ATG2B: variants seen among roughly 807,000 people sequenced by gnomAD.
The protein encoded by ATG2B is autophagy-related protein 2 homolog B.
Under a neutral mutation model 241.3 loss-of-function variants are expected in ATG2B, and 121 were observed. The ratio of observed to expected loss-of-function variants is 0.50; its 90% CI spans 0.43 to 0.58. ATG2B has a LOEUF of 0.58. Among genes scored for constraint, ATG2B ranks in the 20% least tolerant of loss-of-function variants. The probability of loss-of-function intolerance (pLI) is 0.00; values close to 1 mark genes in which losing one functional copy is unlikely to be tolerated. For synonymous variants in ATG2B, 858 were observed against 876.6 expected, an observed-to-expected ratio of 0.98 and a Z score of 0.37; for missense variants, 2,306 against 2,491.6, an observed-to-expected ratio of 0.93 and a Z score of 1.59.
chr14:96,329,457 C>T, intron 12 of ATG2B, 27 bp downstream of exon 12: 3 of 1,479,912 alleles, frequency 2.0e-6, no homozygotes, highest in Non-Finnish European at 2.7e-6. Flanking sequence ...AAAAAATAAT[C>T]TTAAAGAAAA....
chr14:96,327,612 A>G (rs1455010440), intron 14 of ATG2B, among the ~76,000 whole-genome samples: 1 of 152,226 alleles, frequency 6.6e-6, no homozygotes, highest in Non-Finnish European at 1.5e-5. Context: ...CAGCTTATAA[A>G]AACTCTGATA....
At position 96,281,457 on chromosome 14, in the gene ATG2B, G is replaced by A. The variant is rs1368799407; in HGVS notation, c.*4298C>T. On this transcript the variant is annotated 3_prime_UTR_variant, in exon 42 of 42. Coordinates refer to ENST00000359933, the MANE Select transcript of ATG2B (RefSeq NM_018036.7). Reference sequence around the variant, plus strand: ...CAATACACATGTTCTTTTACTTGTGGTGAGATAAATTCAATGTCTAAAATA... The same window carrying A: ...CAATACACATGTTCTTTTACTTGTGATGAGATAAATTCAATGTCTAAAATA... The A allele has an allele frequency of 6.6e-6, 1 of 152,126 alleles. No individual in the cohort carries two copies. The highest frequency in any genetic ancestry group is 1.5e-5 in the Non-Finnish European group (1 of 68,036). 9.4% of individuals were successfully genotyped at this position (152,126 alleles called of 1,614,324 possible).
In ATG2B at chr14:96,282,654, A is replaced by G. The variant is rs3809421; in HGVS notation, c.*3101T>C. The G allele has an allele frequency of 0.83, 125,775 of 152,334 alleles. 52,427 individuals carry two copies. The highest frequency in any genetic ancestry group is 0.95 in the African/African-American group (39,315 of 41,592). 9.4% of individuals were successfully genotyped at this position (152,334 alleles called of 1,614,324 possible). On this transcript the variant is annotated 3_prime_UTR_variant, in exon 42 of 42. Transcript: ENST00000359933. Reference sequence around the variant, plus strand: ...AGAATTCCGCTCCCCTGCTGTCTGCATTCCGGTGGAAGCGGCATGCTGCCT... The same window carrying G: ...AGAATTCCGCTCCCCTGCTGTCTGCGTTCCGGTGGAAGCGGCATGCTGCCT...
chr14:96,340,102 G>GAATATATGATATATATGAATATATATAT (rs1887977603), intron 6 of ATG2B, among the ~76,000 whole-genome samples: 2 of 60,334 alleles, frequency 3.3e-5, no homozygotes, highest in East Asian at 1.1e-3. Context: ...ATGCTATATA[G>GAATATATGATATATATGAATATATATAT]AATATATGAT....
rs775555751 is a variant in ATG2B at position 96,331,631 on chromosome 14, G to C, written c.1475C>G (p.Pro492Arg). The C allele has an allele frequency of 1.3e-6, 2 of 1,589,780 alleles. No individual in the cohort carries two copies. The highest frequency in any genetic ancestry group is 1.7e-6 in the Non-Finnish European group (2 of 1,171,950). Reference protein sequence around the residue: ...HPTPLQKTSLPSRSVSVDESR... With the variant: ...HPTPLQKTSLRSRSVSVDESR... ...TTCATCCACTGAAACAGATCTAGAT[G>C]GGAGAGCTAAAATACAAGTATTAAA... The change falls in exon 11 of 42, where the codon CCA becomes CGA. Residue 492 changes from proline to arginine, a missense_variant. Coordinates refer to ENST00000359933, the MANE Select transcript of ATG2B (RefSeq NM_018036.7).
chr14:96,307,974 C>T lies in ATG2B; in HGVS notation c.4304-1058G>A, dbSNP rs562619989. 4.6e-5 allele frequency among the ~76,000 whole-genome samples: 7 copies of T among 151,764 alleles called. No individual in the cohort carries two copies. In the East Asian group the frequency reaches 1.4e-3, roughly 29 times the overall value. On this transcript the variant is annotated intron_variant, in intron 29 of 41. Coordinates refer to ENST00000359933, the MANE Select transcript of ATG2B (RefSeq NM_018036.7). ...ACACTAAGCTGAATCAAGAGACATA[C>T]TGGCTTTAAGAGACTCACAGATTAG...
chr14:96,279,400 C>CTCACTCAT lies in ATG2B; in HGVS notation c.*6347_*6354dup, dbSNP rs1886135539. On this transcript the variant is annotated 3_prime_UTR_variant, in exon 42 of 42. Coordinates refer to ENST00000359933, the MANE Select transcript of ATG2B (RefSeq NM_018036.7). ...AGGACTAGATGACCACTCGGGTTCA[C>CTCACTCAT]TCACTCATTCATTCATTCATTCACT... 1 of 53,632 alleles carries CTCACTCAT rather than the reference C, an allele frequency of 1.9e-5. No individual in the cohort carries two copies. Among genetic ancestry groups the CTCACTCAT allele is most frequent in the African/African-American group, 9.7e-5 (1 of 10,336 alleles). 3.3% of individuals were successfully genotyped at this position (53,632 alleles called of 1,614,324 possible).
At position 96,302,017 on chromosome 14, in the gene ATG2B, T is replaced by A; in HGVS notation, c.5129A>T (p.Asn1710Ile). 6.2e-7 allele frequency: 1 copy of A among 1,613,662 alleles called. No individual in the cohort carries two copies. Among genetic ancestry groups the A allele is most frequent in the Non-Finnish European group, 8.5e-7 (1 of 1,179,694 alleles). Residue 1710 changes from asparagine to isoleucine, a missense_variant, in exon 34 of 42, where the codon AAT becomes ATT. Physicochemically the swap from Asn to Ile is moderately radical, Grantham distance 149 (BLOSUM62 -3). Coordinates refer to ENST00000359933, the MANE Select transcript of ATG2B (RefSeq NM_018036.7). Reference sequence around the variant, plus strand: ...GCTCATGCTACAAACCTGGTCAATATTGAGGCGGAGCGGCATCAGCGACAC... The same window carrying A: ...GCTCATGCTACAAACCTGGTCAATAATGAGGCGGAGCGGCATCAGCGACAC... ...LRVSLMPLRL[N>I]IDQDALFFLK...
At chr14:96,301,938 C>T in intron 34 of ATG2B, 69 bp downstream of exon 34, 5 of 1,224,462 alleles carry the variant, frequency 4.1e-6, no homozygotes, top group Non-Finnish European at 5.9e-6. Flanking sequence ...ATAAACATTA[C>T]AATTTCTTTA....
intron 41 of ATG2B, among the ~76,000 whole-genome samples, chr14:96,288,057 C>T (rs1886386586): frequency 6.6e-6 from 1 of 151,754 alleles, no homozygotes; most frequent in Non-Finnish European, 1.5e-5. Context: ...CAAGTCCAAA[C>T]AAGCACATCC....
At chr14:96,343,942 A>AC (rs1328318761) in intron 4 of ATG2B, among the ~76,000 whole-genome samples, 36 of 152,124 alleles carry the variant, frequency 2.4e-4, no homozygotes, top group African/African-American at 8.7e-4. Context: ...TTCAGTAGAG[A>AC]CCCCCAGTAG....
intron 1 of ATG2B, among the ~76,000 whole-genome samples, chr14:96,349,222 G>A (rs1888249657): frequency 6.6e-6 from 1 of 152,222 alleles, no homozygotes; most frequent in African/African-American, 2.4e-5. Flanking sequence ...AGAAATACAT[G>A]CAGGCATATT....
At chr14:96,305,554 G>A in intron 31 of ATG2B, 35 bp downstream of exon 31, 1 of 1,386,874 alleles carries the variant, frequency 7.2e-7, no homozygotes, top group Non-Finnish European at 1.0e-6. Flanking sequence ...GAATATATTG[G>A]CCTCCCAAAT....
Position 96,317,275 on chromosome 14 carries a change from G to C in ATG2B, c.3080C>G (p.Ser1027Cys), listed in dbSNP as rs1229527556. The part of the protein sequence containing the change: ...GSEEETLQYF[S>C]TVDPNYRSRR... ...AGAACGATAGTTGGGATCAACAGTG[G>C]AAAAATACTGCAAAGTCTCCTCCTC... The change falls in exon 20 of 42, where the codon TCC becomes TGC. Residue 1027 changes from serine to cysteine, a missense_variant. Ser to Cys is a moderately radical substitution (Grantham distance 112). Around this residue, in one of 2 missense-constraint regions of ATG2B, gnomAD observed 1,927 missense variants for 2,011.2 expected, o/e 0.96. Coordinates refer to ENST00000359933, the MANE Select transcript of ATG2B (RefSeq NM_018036.7). 1.1e-5 allele frequency: 17 copies of C among 1,613,340 alleles called. 1 individual carries two copies. Among genetic ancestry groups the C allele is most frequent in the Non-Finnish European group, 1.3e-5 (15 of 1,179,694 alleles).
At chr14:96,291,481 G>A (rs767910168) in intron 38 of ATG2B, 119 bp downstream of exon 38, 9 of 597,922 alleles carry the variant, frequency 1.5e-5, no homozygotes, top group Admixed American at 8.8e-5. Context: ...CTAAAAATGA[G>A]CTCTCTAAAT....
intron 33 of ATG2B, among the ~76,000 whole-genome samples, chr14:96,302,344 G>A (rs1180555998): frequency 6.6e-6 from 1 of 152,146 alleles, no homozygotes; most frequent in Non-Finnish European, 1.5e-5. Flanking sequence ...AACACTTTGG[G>A]AGGCTAAGGT....
chr14:96,287,636 TG>T (rs1331441374), intron 41 of ATG2B, among the ~76,000 whole-genome samples: 1 of 152,234 alleles, frequency 6.6e-6, no homozygotes, highest in African/African-American at 2.4e-5. Context: ...TGACAGAGTT[TG>T]GAAGACAGTA....
intron 29 of ATG2B, among the ~76,000 whole-genome samples, chr14:96,308,566 G>A (rs1233797282): frequency 2.0e-5 from 3 of 149,128 alleles, no homozygotes; most frequent in Non-Finnish European, 4.4e-5. Flanking sequence ...GCTTCCCAAA[G>A]TGCTAGATTA....
intron 20 of ATG2B, among the ~76,000 whole-genome samples, chr14:96,316,905 T>C (rs1226832791): frequency 6.6e-6 from 1 of 152,166 alleles, no homozygotes; most frequent in Non-Finnish European, 1.5e-5. Context: ...TACTTTGTTG[T>C]CACCCCAGAA....
Sources: gnomAD v4.1 joint callset for allele counts (sites outside exome capture counted in the v4.1 genomes callset) on GRCh38, gnomAD v4.1.1 for gene constraint, gnomAD v4.1.1 regional missense constraint, MANE v1.5 for transcripts, NCBI Gene and HGNC (gene_info 2026-07-23, HGNC 2026-07-21) for gene names.